Variants in CCDC60 observed in about 807,000 individuals in gnomAD.
CCDC60 encodes the protein coiled-coil domain-containing protein 60.
Under a neutral mutation model 63.5 loss-of-function variants are expected in CCDC60, and 54 were observed. That is an observed-to-expected ratio of 0.85 (90% CI 0.68 to 1.07). CCDC60 has a LOEUF of 1.07. Ranked by LOEUF, CCDC60 falls within the 50% of genes least tolerant of loss-of-function variation. The pLI is 0.00. For missense variants in CCDC60, 651 were observed against 684.3 expected (o/e 0.95, Z 0.54); for synonymous variants, 206 against 238.8 (o/e 0.86, Z 1.27).
At chr12:119,401,780 TGTAAA>T (rs1432107736) in intron 1 of CCDC60, among the ~76,000 whole-genome samples, 13 of 152,216 alleles carry the variant, frequency 8.5e-5, no homozygotes, top group Non-Finnish European at 1.5e-4. Context: ...CACAGTACAT[TGTAAA>T]GCTGCTAATT....
rs970918539 is a variant in CCDC60, at chr12:119,505,091, C to A, written c.671C>A (p.Thr224Lys). Residue 224 changes from threonine (T) to lysine (K), a missense_variant, in exon 7 of 14, where the codon ACA becomes AAA. Transcript: ENST00000327554. ...APKTKKFKIP[T>K]MRVTNRKPSR... ...TAGACCAAGAAATTCAAAATTCCCA[C>A]AATGCGAGTCACCAACCGCAAACCA... 2.5e-6 allele frequency: 4 copies of A among 1,604,980 alleles called. No homozygotes were observed. In the African/African-American group the frequency reaches 4.0e-5, roughly 16 times the overall value.
intron 1 of CCDC60, among the ~76,000 whole-genome samples, chr12:119,376,650 TA>T (rs1471193910): frequency 6.6e-6 from 1 of 151,742 alleles, no homozygotes; most frequent in African/African-American, 2.4e-5. Context: ...TAAAATAAAA[TA>T]AAACTCAGGG....
intron 1 of CCDC60, among the ~76,000 whole-genome samples, chr12:119,417,683 A>G (rs966257507): frequency 6.6e-6 from 1 of 152,200 alleles, no homozygotes; most frequent in Admixed American, 6.5e-5. Context: ...CCTCAAGAAG[A>G]GGTACTGACA....
At chr12:119,528,382 A>G (rs184348838) in intron 11 of CCDC60, among the ~76,000 whole-genome samples, 1 of 152,320 alleles carries the variant, frequency 6.6e-6, no homozygotes, top group African/African-American at 2.4e-5. Flanking sequence ...GAAGAGAATG[A>G]AAGCTAATAA....
intron 3 of CCDC60, among the ~76,000 whole-genome samples, 194 bp from the exon 4 acceptor site, chr12:119,478,900 C>A (rs111911484): frequency 6.6e-6 from 1 of 152,140 alleles, no homozygotes; most frequent in African/African-American, 2.4e-5. Context: ...CCACGGCACC[C>A]GACCGAGGGC....
chr12:119,460,124 CTTG>C (rs1380323517), intron 2 of CCDC60, among the ~76,000 whole-genome samples: 8 of 149,792 alleles, frequency 5.3e-5, no homozygotes, highest in East Asian at 2.0e-4. Flanking sequence ...AGTTAATAGT[CTTG>C]TTGTAAGTCT....
intron 7 of CCDC60, among the ~76,000 whole-genome samples, chr12:119,507,689 C>T (rs1952093417): frequency 6.9e-6 from 1 of 143,928 alleles, no homozygotes. Context: ...AATCATGGCT[C>T]ACTGCAGCCT....
At chr12:119,413,595 C>A (rs1956644719) in intron 1 of CCDC60, among the ~76,000 whole-genome samples, 1 of 152,152 alleles carries the variant, frequency 6.6e-6, no homozygotes. Flanking sequence ...GCCCTGTGTA[C>A]CAAGTGGGCC....
At chr12:119,471,025 T>C (rs1373985142) in intron 2 of CCDC60, among the ~76,000 whole-genome samples, 1 of 152,158 alleles carries the variant, frequency 6.6e-6, no homozygotes, top group Non-Finnish European at 1.5e-5. Flanking sequence ...AGAACCAACA[T>C]TTACATCTAG....
chr12:119,485,465 T>G (rs191551709), intron 4 of CCDC60, among the ~76,000 whole-genome samples: 1 of 152,338 alleles, frequency 6.6e-6, no homozygotes, highest in East Asian at 1.9e-4. Context: ...CAGAAACGTA[T>G]TTCCTCATGG....
chr12:119,349,773 T>A (rs1202301397), intron 1 of CCDC60, among the ~76,000 whole-genome samples: 1 of 152,216 alleles, frequency 6.6e-6, no homozygotes, highest in Non-Finnish European at 1.5e-5. Context: ...TCTTTTGTAA[T>A]GTCAGTAATC....
chr12:119,518,177 C>A lies in CCDC60; in HGVS notation c.968+1470C>A, dbSNP rs76191802. 5.0e-3 allele frequency among the ~76,000 whole-genome samples: 756 copies of A among 152,222 alleles called. 5 individuals carry two copies. The highest frequency in any genetic ancestry group is 0.017 in the African/African-American group (708 of 41,516). On this transcript the variant is annotated intron_variant, in intron 8 of 13. Transcript: ENST00000327554. The stretch of plus-strand genomic sequence containing the variant: ...GGAGGCACTCAGAGACAATGCTGAC[C>A]CATAAGGCCCCCACTGCTGTGCCTG...
intron 1 of CCDC60, among the ~76,000 whole-genome samples, chr12:119,346,832 C>CT (rs71451838): frequency 0.069 from 6,276 of 90,948 alleles, 238 homozygotes; most frequent in Non-Finnish European, 0.096. Context: ...TTCTTTCTTT[C>CT]TTTTTTTTTT....
intron 1 of CCDC60, among the ~76,000 whole-genome samples, chr12:119,360,191 A>C: frequency 7.4e-6 from 1 of 135,680 alleles, no homozygotes; most frequent in East Asian, 2.3e-4. Flanking sequence ...CCTCCCGGAC[A>C]GGGCGGCTGG....
chr12:119,395,752 C>G (rs1038172376), intron 1 of CCDC60, among the ~76,000 whole-genome samples: 1 of 152,186 alleles, frequency 6.6e-6, no homozygotes, highest in African/African-American at 2.4e-5. Context: ...TCTCTCCCAG[C>G]TCAGGAGGTG....
chr12:119,353,887 A>G (rs1955688526), intron 1 of CCDC60, among the ~76,000 whole-genome samples: 1 of 151,990 alleles, frequency 6.6e-6, no homozygotes, highest in African/African-American at 2.4e-5. Context: ...AGCCTGGCCA[A>G]CATGGTGAAA....
At chr12:119,460,622 C>A (rs1051935600) in intron 2 of CCDC60, among the ~76,000 whole-genome samples, 3 of 152,204 alleles carry the variant, frequency 2.0e-5, no homozygotes, top group Non-Finnish European at 4.4e-5. Context: ...AAGGTCTGTT[C>A]AATGTCTTCT....
At chr12:119,339,734 G>A (rs1416078681) in intron 1 of CCDC60, among the ~76,000 whole-genome samples, 1 of 152,236 alleles carries the variant, frequency 6.6e-6, no homozygotes, top group Non-Finnish European at 1.5e-5. Flanking sequence ...CTTGAGCCCA[G>A]GAGGTCAAGG....
At chr12:119,453,126 C>T (rs1401400564) in intron 2 of CCDC60, among the ~76,000 whole-genome samples, 1 of 152,236 alleles carries the variant, frequency 6.6e-6, no homozygotes, top group Non-Finnish European at 1.5e-5. Flanking sequence ...CATACCCAGC[C>T]AGAACTTGGC....
Sources: allele counts gnomAD v4.1 joint callset (sites outside exome capture counted in the v4.1 genomes callset), GRCh38; gene constraint gnomAD v4.1.1; transcripts MANE v1.5; gene names NCBI Gene and HGNC (gene_info 2026-07-23, HGNC 2026-07-21).